Variants in RNF170 observed in about 807,000 individuals in gnomAD.
RNF170 encodes E3 ubiquitin-protein ligase RNF170.
Under a neutral mutation model 32.7 loss-of-function variants are expected in RNF170, and 12 were observed. The ratio of observed to expected loss-of-function variants is 0.37; its 90% CI spans 0.24 to 0.60. The LOEUF is 0.60. Ranked by LOEUF, RNF170 falls within the 20% of genes least tolerant of loss-of-function variation. RNF170 has a pLI of 0.72. For missense variants in RNF170, 212 were observed against 311.2 expected, an observed-to-expected ratio of 0.68 and a Z score of 2.40; for synonymous variants, 91 against 103.6, an observed-to-expected ratio of 0.88 and a Z score of 0.74.
At chr8:42,872,275 A>C (rs1804578935) in intron 3 of RNF170, among the ~76,000 whole-genome samples, 1 of 152,190 alleles carries the variant, frequency 6.6e-6, no homozygotes. Flanking sequence ...GTGTTAGCAA[A>C]TCTTAGCAGT....
At chr8:42,888,348 G>A (rs995303105) in intron 1 of RNF170, among the ~76,000 whole-genome samples, 2 of 151,926 alleles carry the variant, frequency 1.3e-5, no homozygotes, top group African/African-American at 2.4e-5. Context: ...ACAGGCATGA[G>A]CCACTGCACC....
chr8:42,895,696 TTACCTATACATACACAG>T (rs1412540920), intron 1 of RNF170, among the ~76,000 whole-genome samples: 6 of 152,152 alleles, frequency 3.9e-5, no homozygotes, highest in South Asian at 4.1e-4. Flanking sequence ...ACAATTAAAA[TTACCTATACATACACAG>T]TACACCAATT....
intron 2 of RNF170, among the ~76,000 whole-genome samples, chr8:42,875,072 G>T (rs534204909): frequency 1.3e-5 from 2 of 151,992 alleles, no homozygotes; most frequent in South Asian, 2.1e-4. Flanking sequence ...TCAGAAGGCT[G>T]AGGCAGAAGA....
chr8:42,863,568 A>G (rs1260546935), intron 5 of RNF170, among the ~76,000 whole-genome samples: 1 of 152,144 alleles, frequency 6.6e-6, no homozygotes, highest in East Asian at 1.9e-4. Context: ...CAGCCTCCCA[A>G]GTAGCTGGGA....
intron 4 of RNF170, among the ~76,000 whole-genome samples, chr8:42,866,584 G>GA (rs75722937): frequency 0.011 from 1,257 of 111,042 alleles, 3 homozygotes; most frequent in African/African-American, 0.012. Context: ...CTCCGTCTCA[G>GA]AAAAAAAAAA....
intron 2 of RNF170, among the ~76,000 whole-genome samples, chr8:42,879,697 A>T (rs1347559086): frequency 6.6e-6 from 1 of 151,460 alleles, no homozygotes; most frequent in Non-Finnish European, 1.5e-5. Flanking sequence ...TTTTTGAGAC[A>T]GAGTCTCACC....
At chr8:42,850,658 A>G (rs1320805888), downstream of RNF170, 4 of 983,714 alleles carry the variant, frequency 4.1e-6, no homozygotes, top group East Asian at 5.3e-5. Flanking sequence ...GGAAATGTCA[A>G]TATGATGATG....
intron 6 of RNF170, 125 bp from the exon 7 acceptor site, chr8:42,856,553 A>G (rs778251318): frequency 2.9e-6 from 2 of 679,564 alleles, no homozygotes; most frequent in Non-Finnish European, 4.9e-6. Flanking sequence ...TTAATTGAAC[A>G]TATTTTCTAA....
intron 2 of RNF170, among the ~76,000 whole-genome samples, chr8:42,880,164 C>G (rs138674242): frequency 6.6e-6 from 1 of 152,172 alleles, no homozygotes; most frequent in Non-Finnish European, 1.5e-5. Flanking sequence ...GACCAAACTG[C>G]TGCATCATGA....
At chr8:42,896,651 C>G (rs566824638), upstream of RNF170, 1 of 452,080 alleles carries the variant, frequency 2.2e-6, no homozygotes, top group Non-Finnish European at 4.4e-6. Flanking sequence ...AGGGCGCGAC[C>G]GGACGGCGGA....
At chr8:42,895,696 T>A in intron 1 of RNF170, among the ~76,000 whole-genome samples, 1 of 152,152 alleles carries the variant, frequency 6.6e-6, no homozygotes, top group East Asian at 1.9e-4. Context: ...ACAATTAAAA[T>A]TACCTATACA....
chr8:42,870,231 C>T (rs1009154045), intron 3 of RNF170, 119 bp from the exon 4 acceptor site: 204 of 738,208 alleles, frequency 2.8e-4, no homozygotes, highest in Middle Eastern at 9.2e-4. Flanking sequence ...AAACTGTAAA[C>T]GTGCAATAGT....
chr8:42,887,481 C>T (rs1805917311), intron 2 of RNF170, among the ~76,000 whole-genome samples: 1 of 151,848 alleles, frequency 6.6e-6, no homozygotes, highest in Non-Finnish European at 1.5e-5. Context: ...TGCCATACGC[C>T]AATAGAAAGT....
intron 2 of RNF170, among the ~76,000 whole-genome samples, chr8:42,878,293 G>A (rs149190496): frequency 2.0e-4 from 30 of 152,336 alleles, no homozygotes; most frequent in Admixed American, 5.2e-4. Context: ...AAAAAGACAT[G>A]TAAAAAGTCG....
intron 2 of RNF170, among the ~76,000 whole-genome samples, chr8:42,885,570 T>G (rs942506224): frequency 6.6e-6 from 1 of 152,112 alleles, no homozygotes; most frequent in African/African-American, 2.4e-5. Context: ...CCAATGCTTC[T>G]TTCATCTTTA....
chr8:42,864,156 T>C (rs1006787105), intron 5 of RNF170, among the ~76,000 whole-genome samples: 2 of 151,838 alleles, frequency 1.3e-5, no homozygotes, highest in Middle Eastern at 6.9e-3. Flanking sequence ...TGCAGTCCCA[T>C]GATCATAGCT....
intron 6 of RNF170, among the ~76,000 whole-genome samples, chr8:42,860,407 T>C (rs1270514812): frequency 6.6e-6 from 1 of 152,084 alleles, no homozygotes; most frequent in Non-Finnish European, 1.5e-5. Context: ...TAAGATGACA[T>C]ATAAACATAT....
downstream of RNF170, chr8:42,853,208 G>A (rs530666129): frequency 7.9e-5 from 33 of 419,694 alleles, no homozygotes; most frequent in African/African-American, 5.4e-4. Context: ...GTCCATTAGT[G>A]ATAAAGCCGT....
intron 1 of RNF170, among the ~76,000 whole-genome samples, chr8:42,891,208 A>T (rs901303410): frequency 1.3e-5 from 2 of 152,192 alleles, no homozygotes; most frequent in African/African-American, 4.8e-5. Context: ...AAGTAAATAA[A>T]ATTCAAACGT....
Sources: allele counts gnomAD v4.1 joint callset (sites outside exome capture counted in the v4.1 genomes callset), GRCh38; gene constraint gnomAD v4.1.1; transcripts MANE v1.5; gene names NCBI Gene and HGNC (gene_info 2026-07-23, HGNC 2026-07-21).